The following WDR70 variants were observed in gnomAD, a reference collection of about 807,000 sequenced individuals.
WDR70 encodes WD repeat domain 70, also known as WD repeat-containing protein 70.
Under a neutral mutation model 88.6 loss-of-function variants are expected in WDR70, and 53 were observed. That is an observed-to-expected ratio of 0.60 (90% CI 0.48 to 0.75). The LOEUF (loss-of-function observed/expected upper bound fraction) is 0.75, where lower values mean the gene tolerates loss of function less well. WDR70 is among the 30% of genes least tolerant of loss of function. WDR70 has a pLI of 0.00. For synonymous variants in WDR70, 280 were observed against 270.0 expected (o/e 1.04, Z -0.36); for missense variants, 610 against 823.2 (o/e 0.74, Z 3.17).
chr5:37,388,404 C>T (rs753201603), intron 3 of WDR70, among the ~76,000 whole-genome samples: 114 of 147,704 alleles, frequency 7.7e-4, no homozygotes, highest in Non-Finnish European at 1.4e-3. Flanking sequence ...GCGTGAGCCA[C>T]CACGCCCAGC....
intron 8 of WDR70, among the ~76,000 whole-genome samples, chr5:37,491,097 G>T (rs1369605278): frequency 2.0e-5 from 3 of 152,068 alleles, no homozygotes; most frequent in Non-Finnish European, 4.4e-5. Context: ...CAGGGTTAAG[G>T]GACTGTGCTA....
At chr5:37,489,434 C>G (rs1481614489) in intron 8 of WDR70, among the ~76,000 whole-genome samples, 1 of 152,130 alleles carries the variant, frequency 6.6e-6, no homozygotes, top group Non-Finnish European at 1.5e-5. Context: ...CTGTGACAGA[C>G]TGGGCAGCCT....
intron 5 of WDR70, among the ~76,000 whole-genome samples, chr5:37,407,078 A>G (rs570470257): frequency 6.6e-6 from 1 of 152,354 alleles, no homozygotes; most frequent in African/African-American, 2.4e-5. Context: ...AATTAGGTGT[A>G]GTCCAGGAGT....
intron 9 of WDR70, among the ~76,000 whole-genome samples, chr5:37,604,081 A>G (rs1423810578): frequency 6.6e-6 from 1 of 152,112 alleles, no homozygotes; most frequent in African/African-American, 2.4e-5. Context: ...TTTTACATTT[A>G]CTTTCATTTT....
At chr5:37,573,082 C>G (rs1742953579) in intron 9 of WDR70, among the ~76,000 whole-genome samples, 1 of 152,198 alleles carries the variant, frequency 6.6e-6, no homozygotes, top group African/African-American at 2.4e-5. Context: ...TGAAGTTTCT[C>G]TGTTATACTT....
chr5:37,746,637 A>G (rs1218858109), intron 17 of WDR70, among the ~76,000 whole-genome samples: 1 of 152,240 alleles, frequency 6.6e-6, no homozygotes, highest in African/African-American at 2.4e-5. Context: ...AATACTATGA[A>G]CACCTCTGAG....
intron 13 of WDR70, among the ~76,000 whole-genome samples, chr5:37,717,353 C>A (rs1747680742): frequency 6.6e-6 from 1 of 152,234 alleles, no homozygotes; most frequent in African/African-American, 2.4e-5. Context: ...ATTGGAATCT[C>A]ATGATATAAT....
Position 37,420,129 on chromosome 5 carries a change from G to A in WDR70, c.493-17793G>A, listed in dbSNP as rs1036270836. Among the ~76,000 whole-genome samples, 15 of 152,100 alleles carry A rather than the reference G, an allele frequency of 9.9e-5. No homozygotes were observed. In the East Asian group the frequency reaches 2.7e-3, roughly 27 times the overall value. On this transcript the variant is annotated intron_variant, in intron 5 of 17. Transcript: ENST00000265107. ...TCTAATCCCAGTGCTTTGGGAGGCC[G>A]AGGTGGGAGGATTACTTGAGGCTGG...
chr5:37,506,185 A>G (rs1400956245), intron 8 of WDR70: 2 of 1,024,210 alleles, frequency 2.0e-6, no homozygotes, highest in African/African-American at 1.6e-5. Flanking sequence ...GCACCACTGA[A>G]GTTCAAACTC....
chr5:37,605,408 G>A (rs1744009150), intron 10 of WDR70, among the ~76,000 whole-genome samples, 170 bp downstream of exon 10: 2 of 152,142 alleles, frequency 1.3e-5, no homozygotes, highest in African/African-American at 2.4e-5. Flanking sequence ...GTAGTATACA[G>A]CATTTCAGCA....
chr5:37,733,227 A>G (rs1312026344), intron 17 of WDR70, among the ~76,000 whole-genome samples: 2 of 152,050 alleles, frequency 1.3e-5, no homozygotes, highest in Admixed American at 6.6e-5. Flanking sequence ...TAGTCTTCAC[A>G]TTGCCTTCTC....
At chr5:37,589,226 A>G (rs1373681779) in intron 9 of WDR70, among the ~76,000 whole-genome samples, 1 of 142,396 alleles carries the variant, frequency 7.0e-6, no homozygotes, top group African/African-American at 2.6e-5. Flanking sequence ...GTGAATACAT[A>G]CATACATATA....
intron 5 of WDR70, among the ~76,000 whole-genome samples, chr5:37,417,461 G>A (rs985797072): frequency 1.3e-5 from 2 of 151,754 alleles, no homozygotes; most frequent in African/African-American, 4.8e-5. Context: ...CTGGGCTCAG[G>A]TGATCTGCCT....
chr5:37,395,250 G>A (rs999779409), intron 4 of WDR70, among the ~76,000 whole-genome samples: 10 of 152,254 alleles, frequency 6.6e-5, no homozygotes, highest in Admixed American at 4.6e-4. Flanking sequence ...TAGTGAGAGT[G>A]TATAATAGTC....
chr5:37,627,852 T>C (rs946824581), intron 10 of WDR70, among the ~76,000 whole-genome samples: 1 of 152,214 alleles, frequency 6.6e-6, no homozygotes, highest in Non-Finnish European at 1.5e-5. Context: ...TGGTCAGTCC[T>C]GGAGAGTGTT....
intron 10 of WDR70, among the ~76,000 whole-genome samples, chr5:37,634,348 G>C (rs1339318209): frequency 6.6e-6 from 1 of 150,656 alleles, no homozygotes; most frequent in African/African-American, 2.4e-5. Flanking sequence ...TGCATATTTT[G>C]TGTTTCCTAA....
At chr5:37,624,349 A>C (rs7710547) in intron 10 of WDR70, among the ~76,000 whole-genome samples, 16,310 of 152,054 alleles carry the variant, frequency 0.11, 2,827 homozygotes, top group African/African-American at 0.37. Context: ...ACTTCAATCC[A>C]TGTTACTGTG....
chr5:37,602,129 T>G (rs1317583038), intron 9 of WDR70, among the ~76,000 whole-genome samples: 1 of 151,936 alleles, frequency 6.6e-6, no homozygotes, highest in Non-Finnish European at 1.5e-5. Flanking sequence ...GGTGACGGGA[T>G]GATGGGTGCA....
At chr5:37,551,501 A>G (rs1044557640) in intron 9 of WDR70, among the ~76,000 whole-genome samples, 3 of 151,774 alleles carry the variant, frequency 2.0e-5, no homozygotes, top group Admixed American at 6.6e-5. Context: ...AGGCCGAGGC[A>G]GGTGGATCAC....
Sources: gnomAD v4.1 joint callset for allele counts (sites outside exome capture counted in the v4.1 genomes callset) on GRCh38, gnomAD v4.1.1 for gene constraint, MANE v1.5 for transcripts, NCBI Gene and HGNC (gene_info 2026-07-23, HGNC 2026-07-21) for gene names.